The following TSPAN11 variants were observed in gnomAD, a reference collection of about 807,000 sequenced individuals.
TSPAN11 encodes the protein tetraspanin-11.
A neutral mutation model predicts 32.9 loss-of-function variants in TSPAN11; 29 were observed. The ratio of observed to expected loss-of-function variants is 0.88; its 90% CI spans 0.66 to 1.20. TSPAN11 has a LOEUF of 1.20. TSPAN11 is among the 50% of genes most tolerant of loss of function. The probability of loss-of-function intolerance (pLI) is 0.00; values close to 1 mark genes in which losing one functional copy is unlikely to be tolerated. For synonymous variants in TSPAN11, 140 were observed against 141.3 expected (o/e 0.99, Z 0.07); for missense variants, 283 against 329.1 (o/e 0.86, Z 1.08).
chr12:30,982,459 A>G, intron 5 of TSPAN11, 73 bp from the exon 6 acceptor site: 1 of 1,531,734 alleles, frequency 6.5e-7, no homozygotes, highest in Non-Finnish European at 8.8e-7. Context: ...TAGTATTTGA[A>G]TAATGTGTCC....
Position 30,996,391 on chromosome 12 carries a change from T to C in TSPAN11, c.*4476T>C, listed in dbSNP as rs1208518784. 1 of 152,264 alleles carries C rather than the reference T, an allele frequency of 6.6e-6. No homozygotes were observed. The highest frequency in any genetic ancestry group is 1.5e-5 in the Non-Finnish European group (1 of 68,070). The allele number at this position is 152,264 out of a possible 1,614,324, so 9.4% of individuals were successfully genotyped here. A position where few individuals can be genotyped will look rare whatever the true frequency, so the allele number is the denominator to read the frequency against. ...GCCGTTATTCCAGGCAGCCCAATGTTGTTGAGGCCAGATGGATTCCTGGAA... is the reference window on the plus strand; with the variant it reads ...GCCGTTATTCCAGGCAGCCCAATGTCGTTGAGGCCAGATGGATTCCTGGAA... On this transcript the variant is annotated 3_prime_UTR_variant, in exon 8 of 8. Coordinates refer to ENST00000546076, the MANE Select transcript of TSPAN11 (RefSeq NM_001370302.1).
At chr12:30,929,765 C>G (rs1937879292) in intron 1 of TSPAN11, among the ~76,000 whole-genome samples, 1 of 152,198 alleles carries the variant, frequency 6.6e-6, no homozygotes, top group Admixed American at 6.5e-5. Context: ...TGACCCTGAT[C>G]TGTATTTACA....
intron 2 of TSPAN11, among the ~76,000 whole-genome samples, chr12:30,962,160 C>T (rs528365098): frequency 3.2e-4 from 49 of 152,148 alleles, no homozygotes; most frequent in Non-Finnish European, 5.9e-4. Flanking sequence ...GTGTGCATCA[C>T]GGAATTGAAG....
At chr12:30,959,022 C>T (rs1938556381) in intron 2 of TSPAN11, among the ~76,000 whole-genome samples, 1 of 152,126 alleles carries the variant, frequency 6.6e-6, no homozygotes, top group Non-Finnish European at 1.5e-5. Context: ...CTTTAAAAAT[C>T]AAAACAGCCA....
intron 6 of TSPAN11, 61 bp from the exon 7 acceptor site, chr12:30,983,003 C>G: frequency 2.6e-6 from 4 of 1,545,252 alleles, no homozygotes; most frequent in Non-Finnish European, 3.5e-6. Flanking sequence ...ACAGCCCGCC[C>G]TCCGTCCCCA....
chr12:30,971,552 C>T (rs917943918), intron 3 of TSPAN11, among the ~76,000 whole-genome samples: 8 of 152,024 alleles, frequency 5.3e-5, no homozygotes, highest in South Asian at 2.1e-4. Flanking sequence ...CCAGCCTGAG[C>T]GATATGGTGA....
chr12:30,981,266 G>A (rs1449107863), intron 5 of TSPAN11, among the ~76,000 whole-genome samples: 8 of 152,198 alleles, frequency 5.3e-5, no homozygotes, highest in African/African-American at 9.7e-5. Context: ...GCCAGCACCC[G>A]GCCCTCCAGC....
chr12:31,007,310 C>G, the TSPAN11 span, among the ~76,000 whole-genome samples: 1 of 152,050 alleles, frequency 6.6e-6, no homozygotes, highest in South Asian at 2.1e-4. Flanking sequence ...GACCACAGCC[C>G]GGGTACAGGG....
rs116442943 is a variant in TSPAN11 at position 30,992,270 on chromosome 12, G to C, written c.*355G>C. 9.8e-3 allele frequency: 3,304 copies of C among 335,608 alleles called. 91 individuals carry two copies. Among genetic ancestry groups the C allele is most frequent in the African/African-American group, 0.063 (3,056 of 48,756 alleles). 20.8% of individuals were successfully genotyped at this position (335,608 alleles called of 1,614,324 possible). On this transcript the variant is annotated 3_prime_UTR_variant, in exon 8 of 8. Coordinates refer to ENST00000546076, the MANE Select transcript of TSPAN11 (RefSeq NM_001370302.1). ...CCCAGCTCCTGAACCTGGAACAATC[G>C]GCAGAAAACCCAGGAACCCCGGCAC...
intron 2 of TSPAN11, among the ~76,000 whole-genome samples, chr12:30,961,762 G>A (rs189884664): frequency 2.0e-5 from 3 of 152,102 alleles, no homozygotes; most frequent in East Asian, 1.9e-4. Context: ...GCTGAGGTCC[G>A]GAGAGGTTAA....
chr12:30,940,482 GAGAAATACAT>G (rs1592463007), intron 1 of TSPAN11, among the ~76,000 whole-genome samples: 1 of 152,292 alleles, frequency 6.6e-6, no homozygotes, highest in East Asian at 1.9e-4. Flanking sequence ...AAGTGGGATG[GAGAAATACAT>G]AGAGTGTGGA....
intron 1 of TSPAN11, among the ~76,000 whole-genome samples, chr12:30,946,516 G>A (rs1034565311): frequency 2.0e-5 from 3 of 152,116 alleles, no homozygotes; most frequent in Admixed American, 6.5e-5. Flanking sequence ...CAACAGGCTC[G>A]GAGGGTTACC....
At chr12:30,972,371 C>T (rs1938869289) in intron 3 of TSPAN11, among the ~76,000 whole-genome samples, 1 of 152,126 alleles carries the variant, frequency 6.6e-6, no homozygotes, top group Non-Finnish European at 1.5e-5. Flanking sequence ...GTCAGGGAAG[C>T]TCAGAAACAA....
At chr12:30,987,628 T>C (rs997083876) in intron 7 of TSPAN11, among the ~76,000 whole-genome samples, 2 of 151,728 alleles carry the variant, frequency 1.3e-5, no homozygotes, top group Non-Finnish European at 2.9e-5. Flanking sequence ...ACCCCAGGCC[T>C]GGGCTCCCCG....
At chr12:30,976,536 C>G (rs1938976004) in intron 3 of TSPAN11, among the ~76,000 whole-genome samples, 1 of 152,162 alleles carries the variant, frequency 6.6e-6, no homozygotes, top group South Asian at 2.1e-4. Context: ...CTCTCTTCAG[C>G]CTCCTGCCTC....
downstream of TSPAN11, among the ~76,000 whole-genome samples, chr12:30,998,432 A>T (rs900731210): frequency 5.9e-5 from 9 of 152,206 alleles, no homozygotes; most frequent in African/African-American, 2.2e-4. Context: ...GAAGAGAGAG[A>T]GGCCACCCAT....
chr12:30,934,711 G>T (rs1938006884), intron 1 of TSPAN11, among the ~76,000 whole-genome samples: 1 of 151,296 alleles, frequency 6.6e-6, no homozygotes, highest in Non-Finnish European at 1.5e-5. Flanking sequence ...TGTGGCCCAA[G>T]ACAATTCTTC....
downstream of TSPAN11, among the ~76,000 whole-genome samples, chr12:31,000,949 C>T (rs1565809639): frequency 6.6e-6 from 1 of 152,180 alleles, no homozygotes; most frequent in Non-Finnish European, 1.5e-5. Context: ...GGCTGTGCAT[C>T]TCTCAGATCT....
chr12:31,013,887 C>A, the TSPAN11 span, among the ~76,000 whole-genome samples: 1 of 152,110 alleles, frequency 6.6e-6, no homozygotes, highest in Non-Finnish European at 1.5e-5. Flanking sequence ...TGTGGCTAGT[C>A]TAAATTGAGA....
Sources: gnomAD v4.1 joint callset for allele counts (sites outside exome capture counted in the v4.1 genomes callset) on GRCh38, gnomAD v4.1.1 for gene constraint, MANE v1.5 for transcripts, NCBI Gene and HGNC (gene_info 2026-07-23, HGNC 2026-07-21) for gene names.